DNAH7: variants seen among roughly 807,000 people sequenced by gnomAD.
DNAH7 encodes axonemal beta dynein heavy chain 7.
In DNAH7, 397 loss-of-function variants were observed where a neutral mutation model predicts 444.6. The observed-to-expected ratio is 0.89, with a 90% CI of 0.82 to 0.97. The LOEUF (loss-of-function observed/expected upper bound fraction) is 0.97, where lower values mean the gene tolerates loss of function less well. Among genes scored for constraint, DNAH7 ranks in the 50% least tolerant of loss-of-function variants. DNAH7 has a pLI of 0.00. For missense variants in DNAH7, 4,902 were observed against 4,800.8 expected, an observed-to-expected ratio of 1.02 and a Z score of -0.62; for synonymous variants, 1,636 against 1,624.4, an observed-to-expected ratio of 1.01 and a Z score of -0.17.
At chr2:195,868,777 T>C (rs1700503930) in intron 40 of DNAH7, among the ~76,000 whole-genome samples, 2 of 150,922 alleles carry the variant, frequency 1.3e-5, no homozygotes, top group Admixed American at 6.7e-5. Context: ...AACCAGGTGA[T>C]ACGTGCATTA....
At chr2:196,019,146 C>A in intron 9 of DNAH7, 24 bp downstream of exon 9, 2 of 1,399,692 alleles carry the variant, frequency 1.4e-6, no homozygotes, top group Non-Finnish European at 1.9e-6. Context: ...TTTTAAAAAC[C>A]TCTATAAGGC....
chr2:195,770,459 C>T (rs1694782137), intron 61 of DNAH7, among the ~76,000 whole-genome samples: 2 of 152,126 alleles, frequency 1.3e-5, no homozygotes, highest in Non-Finnish European at 2.9e-5. Context: ...CCACTCTAGC[C>T]AATCAGCCTT....
chr2:195,831,164 T>C (rs140460464), intron 48 of DNAH7, among the ~76,000 whole-genome samples: 1 of 152,368 alleles, frequency 6.6e-6, no homozygotes, highest in African/African-American at 2.4e-5. Flanking sequence ...CAAATTGATT[T>C]ATCAGCAATA....
chr2:195,993,451 C>A (rs1053408360), intron 12 of DNAH7, among the ~76,000 whole-genome samples: 4 of 152,090 alleles, frequency 2.6e-5, no homozygotes, highest in African/African-American at 9.7e-5. Flanking sequence ...AAATAATCCA[C>A]AAAGAACTAA....
intron 60 of DNAH7, among the ~76,000 whole-genome samples, chr2:195,773,667 T>C (rs569909945): frequency 6.6e-6 from 1 of 152,300 alleles, no homozygotes; most frequent in East Asian, 1.9e-4. Context: ...ACAAATAGCA[T>C]CTGGAATCTT....
At chr2:195,983,033 T>C (rs1401409495) in intron 15 of DNAH7, among the ~76,000 whole-genome samples, 1 of 152,186 alleles carries the variant, frequency 6.6e-6, no homozygotes, top group African/African-American at 2.4e-5. Flanking sequence ...AGATACCCCA[T>C]TTACCCTGAT....
Position 195,777,876 on chromosome 2 carries a change from A to G in DNAH7, c.10988T>C (p.Phe3663Ser). The change falls in exon 59 of 65, where the codon TTC becomes TCC. Residue 3663 changes from phenylalanine (F) to serine (S), a missense_variant. Transcript: ENST00000312428. Reference protein sequence around the residue: ...RTLRSILNKFFNPELVENSDY... With the variant: ...RTLRSILNKFSNPELVENSDY... ...TGAATTTTCAACTAATTCGGGATTG[A>G]AGAATTTGTTTAGAATGCTGCGCAG... 1 of 1,614,174 alleles carries G rather than the reference A, an allele frequency of 6.2e-7. No individual in the cohort carries two copies. Among genetic ancestry groups the G allele is most frequent in the South Asian group, 1.1e-5 (1 of 91,076 alleles).
intron 2 of DNAH7, 56 bp downstream of exon 2, chr2:196,057,998 T>C (rs1697913063): frequency 6.2e-6 from 8 of 1,280,554 alleles, no homozygotes; most frequent in Admixed American, 2.8e-5. Flanking sequence ...GCTTGAAAAG[T>C]AGTAAACAAA....
At chr2:195,974,349 C>T (rs999465946) in intron 15 of DNAH7, among the ~76,000 whole-genome samples, 5 of 151,882 alleles carry the variant, frequency 3.3e-5, no homozygotes, top group Admixed American at 2.6e-4. Context: ...TTTTTATTTC[C>T]CCTTACTGAT....
intron 48 of DNAH7, among the ~76,000 whole-genome samples, chr2:195,833,073 C>T (rs1040574302): frequency 7.9e-5 from 12 of 152,130 alleles, no homozygotes; most frequent in African/African-American, 2.2e-4. Flanking sequence ...CTACACTGAT[C>T]CCAATAAGAA....
At position 196,012,902 on chromosome 2, in the gene DNAH7, A is replaced by T; in HGVS notation, c.874T>A (p.Leu292Ile). ...LDLWHTNFKKLRLVDIKEFHN... is the reference protein window; with the variant it reads ...LDLWHTNFKKIRLVDIKEFHN... The stretch of plus-strand genomic sequence containing the variant: ...AATTCTTTGATATCAACTAAACGTA[A>T]TTTTCTGCAAAAGATAAAAATAAAC... The change falls in exon 10 of 65, where the codon TTA becomes ATA. Residue 292 changes from leucine (L) to isoleucine (I), a missense_variant. Transcript: ENST00000312428. The T allele has an allele frequency of 2.7e-6, 4 of 1,482,084 alleles. No individual in the cohort carries two copies. Among genetic ancestry groups the T allele is most frequent in the Non-Finnish European group, 3.6e-6 (4 of 1,114,630 alleles). 91.8% of individuals were successfully genotyped at this position (1,482,084 alleles called of 1,614,324 possible).
chr2:195,897,327 A>G (rs575483114), intron 29 of DNAH7, among the ~76,000 whole-genome samples: 15 of 152,296 alleles, frequency 9.8e-5, no homozygotes, highest in Admixed American at 7.8e-4. Context: ...AGCATTTACT[A>G]TATCTATACT....
intron 12 of DNAH7, chr2:195,994,388 T>C: frequency 1.4e-6 from 1 of 726,584 alleles, no homozygotes; most frequent in Non-Finnish European, 2.3e-6. Context: ...CAAATGGTCC[T>C]TCTAGGTTAG....
At chr2:195,865,062 G>C in intron 40 of DNAH7, 41 bp from the exon 41 acceptor site, 1 of 1,512,398 alleles carries the variant, frequency 6.6e-7, no homozygotes, top group Non-Finnish European at 8.8e-7. Context: ...ACTTTCTTCT[G>C]ATTTTTAAGA....
intron 19 of DNAH7, among the ~76,000 whole-genome samples, chr2:195,950,492 C>A (rs1360514171): frequency 6.6e-6 from 1 of 151,846 alleles, no homozygotes; most frequent in African/African-American, 2.4e-5. Context: ...CTATTTGATT[C>A]TTCTCTCTTT....
chr2:195,817,860 T>C (rs761501454), intron 49 of DNAH7, 31 bp from the exon 50 acceptor site: 4 of 1,487,454 alleles, frequency 2.7e-6, no homozygotes, highest in Non-Finnish European at 1.8e-6. Context: ...AAAAATTACA[T>C]CATTATTTCT....
intron 46 of DNAH7, among the ~76,000 whole-genome samples, chr2:195,850,263 G>A (rs1699275470): frequency 6.6e-6 from 1 of 150,430 alleles, no homozygotes; most frequent in South Asian, 2.1e-4. Flanking sequence ...GCTAGATGGT[G>A]GATTTGCTGG....
intron 60 of DNAH7, among the ~76,000 whole-genome samples, chr2:195,775,616 GA>G (rs1695023618): frequency 7.3e-6 from 1 of 137,442 alleles, no homozygotes; most frequent in South Asian, 2.3e-4. Flanking sequence ...GATACTTAAA[GA>G]ATATATCTGG....
chr2:195,850,937 A>G (rs1699325418), intron 46 of DNAH7, among the ~76,000 whole-genome samples: 1 of 152,152 alleles, frequency 6.6e-6, no homozygotes, highest in Admixed American at 6.5e-5. Flanking sequence ...GGGGGAAGGG[A>G]GAGAGACTCC....
Sources: gnomAD v4.1 joint callset for allele counts (sites outside exome capture counted in the v4.1 genomes callset) on GRCh38, gnomAD v4.1.1 for gene constraint, MANE v1.5 for transcripts, NCBI Gene and HGNC (gene_info 2026-07-23, HGNC 2026-07-21) for gene names.